Variants in PHACTR1 observed in about 807,000 individuals in gnomAD.
PHACTR1 encodes RPEL repeat containing 1.
A neutral mutation model predicts 69.2 loss-of-function variants in PHACTR1; 16 were observed. That is an observed-to-expected ratio of 0.23 (90% CI 0.16 to 0.35). PHACTR1 has a LOEUF of 0.35. PHACTR1 is among the 10% of genes least tolerant of loss of function. The pLI, the probability that PHACTR1 is intolerant of heterozygous loss-of-function variation, is 1.00. For synonymous variants in PHACTR1, 312 were observed against 284.5 expected, an observed-to-expected ratio of 1.10 and a Z score of -0.97; for missense variants, 510 against 734.7, an observed-to-expected ratio of 0.69 and a Z score of 3.54.
intron 5 of PHACTR1, among the ~76,000 whole-genome samples, chr6:13,071,976 A>G (rs1033601217): frequency 6.6e-6 from 1 of 152,202 alleles, no homozygotes; most frequent in Non-Finnish European, 1.5e-5. Flanking sequence ...TCATTTTATA[A>G]TAATATGTTT....
chr6:12,732,133 C>T (rs1175506803), intron 3 of PHACTR1, among the ~76,000 whole-genome samples: 1 of 151,968 alleles, frequency 6.6e-6, no homozygotes, highest in Non-Finnish European at 1.5e-5. Flanking sequence ...TTACGATACA[C>T]ATAACTTGTT....
At chr6:13,236,278 C>T (rs1771973336) in intron 10 of PHACTR1, among the ~76,000 whole-genome samples, 1 of 152,178 alleles carries the variant, frequency 6.6e-6, no homozygotes, top group Non-Finnish European at 1.5e-5. Context: ...GCCAATAATG[C>T]AGACCACTCA....
chr6:12,903,895 T>C (rs988512470), intron 4 of PHACTR1, among the ~76,000 whole-genome samples: 2 of 152,232 alleles, frequency 1.3e-5, no homozygotes, highest in African/African-American at 4.8e-5. Flanking sequence ...TTCTTCTTAT[T>C]TCCTGATAAT....
intron 5 of PHACTR1, among the ~76,000 whole-genome samples, chr6:13,066,842 A>T: frequency 6.6e-6 from 1 of 152,164 alleles, no homozygotes; most frequent in Admixed American, 6.6e-5. Context: ...CCCTAAAAGC[A>T]CAAAATAAGA....
intron 4 of PHACTR1, among the ~76,000 whole-genome samples, chr6:12,961,656 T>A (rs1792746858): frequency 6.6e-6 from 1 of 152,236 alleles, no homozygotes; most frequent in South Asian, 2.1e-4. Flanking sequence ...TTATAGATAG[T>A]AATGAAGAAA....
chr6:13,003,992 T>C (rs1350130348), intron 4 of PHACTR1, among the ~76,000 whole-genome samples: 1 of 141,356 alleles, frequency 7.1e-6, no homozygotes, highest in Non-Finnish European at 1.5e-5. Flanking sequence ...CATATATATA[T>C]ATCACATTTT....
intron 5 of PHACTR1, among the ~76,000 whole-genome samples, chr6:13,115,266 A>G (rs1269015136): frequency 6.6e-6 from 1 of 152,150 alleles, no homozygotes; most frequent in Non-Finnish European, 1.5e-5. Flanking sequence ...AGACTTACAT[A>G]TCTCTGATTT....
At chr6:13,168,016 A>T (rs964804842) in intron 6 of PHACTR1, among the ~76,000 whole-genome samples, 2 of 152,214 alleles carry the variant, frequency 1.3e-5, no homozygotes, top group Non-Finnish European at 2.9e-5. Context: ...AGGTGCATAG[A>T]CTTCTAAATC....
intron 4 of PHACTR1, among the ~76,000 whole-genome samples, chr6:12,931,750 T>C (rs916984058): frequency 6.6e-6 from 1 of 151,572 alleles, no homozygotes; most frequent in East Asian, 2.0e-4. Flanking sequence ...CCTCGTATTC[T>C]TTCTGTTAGT....
intron 4 of PHACTR1, among the ~76,000 whole-genome samples, chr6:12,860,311 G>A (rs985472768): frequency 2.6e-5 from 4 of 151,962 alleles, no homozygotes; most frequent in African/African-American, 4.8e-5. Context: ...ATCCATGTCC[G>A]TGCAAAGGAC....
In PHACTR1 at chr6:13,275,948, A is replaced by C. The variant is rs182707765; in HGVS notation, c.1448-2320A>C. ...CATACTAAGATATTAATGGCTGACTAGTTTAATAGGTTTTATCCCACTGAA... is the reference window on the plus strand; with the variant it reads ...CATACTAAGATATTAATGGCTGACTCGTTTAATAGGTTTTATCCCACTGAA... On this transcript the variant is annotated intron_variant, in intron 11 of 14. Coordinates refer to ENST00000332995, the MANE Select transcript of PHACTR1 (RefSeq NM_030948.6). The surrounding 1 kb of genome is among the most constrained non-coding windows in gnomAD (Gnocchi z 4.0). The C allele has an allele frequency of 1.3e-5, 2 of 152,274 alleles. No homozygotes were observed. The highest frequency in any genetic ancestry group is 2.9e-5 in the Non-Finnish European group (2 of 68,038). 9.4% of individuals were successfully genotyped at this position (152,274 alleles called of 1,614,324 possible). A position where few individuals can be genotyped will look rare whatever the true frequency, so the allele number is the denominator to read the frequency against.
At chr6:12,982,610 G>A (rs1273671020) in intron 4 of PHACTR1, among the ~76,000 whole-genome samples, 1 of 152,158 alleles carries the variant, frequency 6.6e-6, no homozygotes, top group Non-Finnish European at 1.5e-5. Flanking sequence ...CCCGAGAGGT[G>A]GAGGTTGCAG....
At chr6:12,910,566 C>T (rs1786270802) in intron 4 of PHACTR1, among the ~76,000 whole-genome samples, 1 of 152,164 alleles carries the variant, frequency 6.6e-6, no homozygotes. Context: ...ACTTTTTCCT[C>T]TTTAAGTAAA....
intron 3 of PHACTR1, among the ~76,000 whole-genome samples, chr6:12,729,483 G>T (rs1763209851): frequency 1.3e-5 from 2 of 152,174 alleles, no homozygotes; most frequent in Admixed American, 6.5e-5. Flanking sequence ...TGGGAAGAGG[G>T]TGATCCATCT....
At chr6:13,277,986 A>C in intron 11 of PHACTR1, 1 of 205,036 alleles carries the variant, frequency 4.9e-6, no homozygotes, top group Non-Finnish European at 1.0e-5. Flanking sequence ...CCTTGTAGCC[A>C]CATTTCTCAA....
At chr6:13,031,580 C>A (rs1802459351) in intron 4 of PHACTR1, among the ~76,000 whole-genome samples, 1 of 151,960 alleles carries the variant, frequency 6.6e-6, no homozygotes. Flanking sequence ...TAGTAATATG[C>A]CACATTACAT....
chr6:13,250,548 G>A (rs1157428191), intron 10 of PHACTR1, among the ~76,000 whole-genome samples: 1 of 152,240 alleles, frequency 6.6e-6, no homozygotes, highest in Non-Finnish European at 1.5e-5. Flanking sequence ...ATAAGAAGGG[G>A]CTGGCTGTGC....
At chr6:13,240,937 G>A (rs940480411) in intron 10 of PHACTR1, among the ~76,000 whole-genome samples, 1 of 152,206 alleles carries the variant, frequency 6.6e-6, no homozygotes, top group Admixed American at 6.5e-5. Context: ...ATCCCATTCT[G>A]TAGATGAGGA....
At chr6:13,198,182 A>G (rs1180561844) in intron 7 of PHACTR1, among the ~76,000 whole-genome samples, 3 of 152,232 alleles carry the variant, frequency 2.0e-5, no homozygotes, top group Non-Finnish European at 2.9e-5. Context: ...ACAGGAGGAA[A>G]TAGCCACGCT....
Sources: allele counts gnomAD v4.1 joint callset (sites outside exome capture counted in the v4.1 genomes callset), GRCh38; gene constraint gnomAD v4.1.1; non-coding constraint Gnocchi (gnomAD v3.1); transcripts MANE v1.5; gene names NCBI Gene and HGNC (gene_info 2026-07-23, HGNC 2026-07-21).